The following ZNF804A variants were observed in gnomAD, a reference collection of about 807,000 sequenced individuals.
ZNF804A encodes the protein zinc finger protein 804A.
In ZNF804A, 2 loss-of-function variants were observed where a neutral mutation model predicts 16.5. That is an observed-to-expected ratio of 0.12 (90% CI 0.05 to 0.38). The LOEUF is 0.38. ZNF804A is among the 10% of genes least tolerant of loss of function. ZNF804A has a pLI of 0.99. For missense variants in ZNF804A, 1,473 were observed against 1,390.7 expected (o/e 1.06, Z -0.94); for synonymous variants, 534 against 489.6 (o/e 1.09, Z -1.20).
At chr2:184,906,369 G>A (rs1376345288) in intron 2 of ZNF804A, among the ~76,000 whole-genome samples, 5 of 152,122 alleles carry the variant, frequency 3.3e-5, no homozygotes, top group Non-Finnish European at 7.4e-5. Context: ...TGCAATCACG[G>A]CTCACAGTAC....
intron 1 of ZNF804A, among the ~76,000 whole-genome samples, chr2:184,781,351 T>C (rs1337286600): frequency 6.6e-6 from 1 of 151,728 alleles, no homozygotes; most frequent in Non-Finnish European, 1.5e-5. Flanking sequence ...AAATAAGCTA[T>C]ACTTTTCCCC....
intron 1 of ZNF804A, among the ~76,000 whole-genome samples, chr2:184,612,460 C>T (rs919587975): frequency 2.9e-5 from 4 of 138,876 alleles, no homozygotes; most frequent in East Asian, 2.0e-4. Flanking sequence ...GGGGGGGGGA[C>T]GGAGTCTTGC....
intron 1 of ZNF804A, among the ~76,000 whole-genome samples, chr2:184,610,292 T>C (rs1691215472): frequency 6.6e-6 from 1 of 152,160 alleles, no homozygotes; most frequent in Non-Finnish European, 1.5e-5. Flanking sequence ...TATTATCCAG[T>C]GTCAAGTATT....
At chr2:184,645,181 A>C (rs1045406866) in intron 1 of ZNF804A, among the ~76,000 whole-genome samples, 1 of 152,096 alleles carries the variant, frequency 6.6e-6, no homozygotes, top group Non-Finnish European at 1.5e-5. Flanking sequence ...AATTATTTCT[A>C]TAGTTTCATT....
intron 1 of ZNF804A, among the ~76,000 whole-genome samples, chr2:184,683,651 G>A (rs981945265): frequency 7.2e-5 from 11 of 152,116 alleles, no homozygotes; most frequent in African/African-American, 2.7e-4. Flanking sequence ...TATGAATACA[G>A]GCAAGGTAGA....
intron 1 of ZNF804A, among the ~76,000 whole-genome samples, chr2:184,659,618 G>T (rs1692135429): frequency 6.6e-6 from 1 of 151,954 alleles, no homozygotes; most frequent in African/African-American, 2.4e-5. Context: ...TACATGAATT[G>T]TCCAAAGTAA....
chr2:184,754,740 T>A (rs1490890661), intron 1 of ZNF804A, among the ~76,000 whole-genome samples: 1 of 151,912 alleles, frequency 6.6e-6, no homozygotes, highest in Non-Finnish European at 1.5e-5. Context: ...AGTGTGAGCT[T>A]CTTGGCTTGA....
At chr2:184,638,704 G>A (rs1056362596) in intron 1 of ZNF804A, among the ~76,000 whole-genome samples, 1 of 152,054 alleles carries the variant, frequency 6.6e-6, no homozygotes, top group Non-Finnish European at 1.5e-5. Context: ...CATTTCCAAT[G>A]TCTTGCCTCC....
chr2:184,765,233 CTGAT>C (rs1026737002), intron 1 of ZNF804A, among the ~76,000 whole-genome samples: 26 of 152,252 alleles, frequency 1.7e-4, no homozygotes, highest in Admixed American at 1.2e-3. Context: ...ATATTAGTGA[CTGAT>C]TGGGCTGAAT....
At chr2:184,873,010 C>T (rs1695998361) in intron 2 of ZNF804A, among the ~76,000 whole-genome samples, 1 of 152,106 alleles carries the variant, frequency 6.6e-6, no homozygotes, top group Admixed American at 6.6e-5. Context: ...CTTTCCAAAA[C>T]TTTTTATTTG....
intron 1 of ZNF804A, among the ~76,000 whole-genome samples, chr2:184,700,753 T>A (rs1350036975): frequency 6.6e-6 from 1 of 152,080 alleles, no homozygotes; most frequent in Non-Finnish European, 1.5e-5. Context: ...GAGGCCATTG[T>A]TATCTAAGTT....
intron 2 of ZNF804A, among the ~76,000 whole-genome samples, chr2:184,879,624 C>T (rs1041367408): frequency 2.0e-5 from 3 of 151,832 alleles, no homozygotes; most frequent in Admixed American, 6.6e-5. Context: ...TTTTGCTGTT[C>T]AGCAGGAAAA....
chr2:184,630,689 T>G (rs994515732), intron 1 of ZNF804A, among the ~76,000 whole-genome samples: 43 of 152,170 alleles, frequency 2.8e-4, no homozygotes, highest in Non-Finnish European at 1.2e-4. Flanking sequence ...TTCATCATTT[T>G]GAAATTCTAC....
Position 184,764,543 on chromosome 2 carries a change from C to T in ZNF804A, c.112-101826C>T, listed in dbSNP as rs145708108. Among the ~76,000 whole-genome samples the T allele has an allele frequency of 9.1e-3, 1,383 of 152,244 alleles. 23 individuals carry two copies. The highest frequency in any genetic ancestry group is 0.032 in the African/African-American group (1,323 of 41,542). On this transcript the variant is annotated intron_variant, in intron 1 of 3. Coordinates refer to ENST00000302277, the MANE Select transcript of ZNF804A (RefSeq NM_194250.2). ...GTCCATCAACTGGGCAGTGCCCCTTCTGTGACACCTAGGGCAGACCGTCAT... is the reference window on the plus strand; with the variant it reads ...GTCCATCAACTGGGCAGTGCCCCTTTTGTGACACCTAGGGCAGACCGTCAT...
chr2:184,643,803 T>C (rs1691833046), intron 1 of ZNF804A, among the ~76,000 whole-genome samples: 1 of 151,376 alleles, frequency 6.6e-6, no homozygotes, highest in Non-Finnish European at 1.5e-5. Context: ...ATATGTTTTA[T>C]ATAATATAAA....
Position 184,848,519 on chromosome 2 carries a change from A to C in ZNF804A, c.112-17850A>C, listed in dbSNP as rs994124297. ...TTCTCTTCTAGAAAAATGATAACAG[A>C]AGTAGAGAAAATAGCATTTTTAACA... On this transcript the variant is annotated intron_variant, in intron 1 of 3. Transcript: ENST00000302277. 2.6e-5 allele frequency among the ~76,000 whole-genome samples: 4 copies of C among 152,100 alleles called. 1 individual carries two copies. The highest frequency in any genetic ancestry group is 9.6e-5 in the African/African-American group (4 of 41,458).
At position 184,895,219 on chromosome 2, in the gene ZNF804A, G is replaced by A. The variant is rs534181389; in HGVS notation, c.255+28707G>A. 6.7e-3 allele frequency among the ~76,000 whole-genome samples: 1,011 copies of A among 151,256 alleles called. 8 individuals are homozygous for A. Among genetic ancestry groups the A allele is most frequent in the Non-Finnish European group, 0.011 (758 of 67,740 alleles). Reference sequence around the variant, plus strand: ...TCGTGTGTGTGTGTGTTTGTGGGTGGGTGGGGGTGTGTGTGTGTGAGAGAG... The same window carrying A: ...TCGTGTGTGTGTGTGTTTGTGGGTGAGTGGGGGTGTGTGTGTGTGAGAGAG... On this transcript the variant is annotated intron_variant, in intron 2 of 3. Transcript: ENST00000302277.
At chr2:184,721,318 A>T (rs2105742425) in intron 1 of ZNF804A, among the ~76,000 whole-genome samples, 1 of 152,210 alleles carries the variant, frequency 6.6e-6, no homozygotes, top group East Asian at 1.9e-4. Flanking sequence ...CAACCTGTTA[A>T]ATGGGAAAAA....
At chr2:184,766,190 C>T (rs1202441705) in intron 1 of ZNF804A, among the ~76,000 whole-genome samples, 1 of 152,008 alleles carries the variant, frequency 6.6e-6, no homozygotes, top group Non-Finnish European at 1.5e-5. Context: ...TTGCTAAACA[C>T]ACCAAATTAA....
Sources: gnomAD v4.1 joint callset for allele counts (sites outside exome capture counted in the v4.1 genomes callset) on GRCh38, gnomAD v4.1.1 for gene constraint, MANE v1.5 for transcripts, NCBI Gene and HGNC (gene_info 2026-07-23, HGNC 2026-07-21) for gene names.